Variants in MCF2L2 observed in about 807,000 individuals in gnomAD.
MCF2L2 encodes the protein probable guanine nucleotide exchange factor MCF2L2.
Under a neutral mutation model 150.2 loss-of-function variants are expected in MCF2L2, and 102 were observed. The observed-to-expected ratio is 0.68, with a 90% CI of 0.58 to 0.80. The LOEUF is 0.80. Ranked by LOEUF, MCF2L2 falls within the 30% of genes least tolerant of loss-of-function variation. MCF2L2 has a pLI of 0.00. For missense variants in MCF2L2, 1,256 were observed against 1,372.8 expected, an observed-to-expected ratio of 0.91 and a Z score of 1.34; for synonymous variants, 465 against 491.3, an observed-to-expected ratio of 0.95 and a Z score of 0.71.
chr3:183,273,088 T>G (rs950526145), intron 15 of MCF2L2: 59 of 1,400,206 alleles, frequency 4.2e-5, no homozygotes, highest in Non-Finnish European at 5.6e-5. Context: ...GGTTCCAACC[T>G]TTTAAAAAAG....
chr3:183,396,977 C>T (rs1251798229), intron 1 of MCF2L2, among the ~76,000 whole-genome samples: 2 of 152,174 alleles, frequency 1.3e-5, no homozygotes, highest in African/African-American at 4.8e-5. Context: ...CCTACCAGCA[C>T]CTTGATGGTG....
Position 183,197,620 on chromosome 3 carries a change from T to A in MCF2L2, c.2885-2365A>T, listed in dbSNP as rs898360037. Among the ~76,000 whole-genome samples the A allele has an allele frequency of 6.6e-6, 1 of 152,190 alleles. No individual in the cohort carries two copies. Among genetic ancestry groups the A allele is most frequent in the African/African-American group, 2.4e-5 (1 of 41,468 alleles). On this transcript the variant is annotated intron_variant, in intron 25 of 29. Transcript: ENST00000328913. The surrounding 1 kb of genome is among the most constrained non-coding windows in gnomAD (Gnocchi z 4.5). ...ATACAGTTTTTAAAATTAAATATTA[T>A]AAGAATTAAAGTCTTTTGCTCTTCA...
intron 1 of MCF2L2, 116 bp downstream of exon 1, chr3:183,427,786 C>G: frequency 3.4e-6 from 3 of 874,850 alleles, no homozygotes; most frequent in Non-Finnish European, 5.6e-6. Flanking sequence ...TGCCGGGCAA[C>G]CCCCCAGGAA....
intron 3 of MCF2L2, among the ~76,000 whole-genome samples, chr3:183,371,061 C>T (rs1712845184): frequency 6.6e-6 from 1 of 152,188 alleles, no homozygotes; most frequent in Non-Finnish European, 1.5e-5. Flanking sequence ...GTCACAGTTC[C>T]ACAGCCAGTC....
At chr3:183,361,045 A>G (rs1157508306) in intron 3 of MCF2L2, among the ~76,000 whole-genome samples, 1 of 115,692 alleles carries the variant, frequency 8.6e-6, no homozygotes, top group East Asian at 2.7e-4. Context: ...GGAAGAAAGG[A>G]AAGGAAAGGA....
chr3:183,408,341 T>C (rs995533898), intron 1 of MCF2L2, among the ~76,000 whole-genome samples: 1 of 152,214 alleles, frequency 6.6e-6, no homozygotes, highest in Non-Finnish European at 1.5e-5. Flanking sequence ...TACTGTCTTA[T>C]GTTTGCTTAA....
In MCF2L2 at chr3:183,231,020, G is replaced by A. The variant is rs374846936; in HGVS notation, c.1863-3C>T. On this transcript the variant is annotated splice_region_variant and splice_polypyrimidine_tract_variant and intron_variant, in intron 15 of 29. Transcript: ENST00000328913. ...CAAGCAAGTCACGTATAATGCGCCT[G>A]AATCACAGCAGCAGGTGGGAGGGTG... is the stretch of plus-strand genomic sequence containing the variant. 28 of 1,611,452 alleles carry A rather than the reference G, an allele frequency of 1.7e-5. No homozygotes were observed. The African/African-American group carries it at 3.2e-4, about 18-fold the overall frequency.
At chr3:183,375,775 G>A (rs1713157960) in intron 3 of MCF2L2, 1 of 152,124 alleles carries the variant, frequency 6.6e-6, no homozygotes, top group African/African-American at 2.4e-5. Context: ...CGAGCCCTCT[G>A]CCACCTGTCT....
chr3:183,231,359 A>G, intron 15 of MCF2L2: 1 of 465,276 alleles, frequency 2.1e-6, no homozygotes, highest in Admixed American at 2.5e-5. Context: ...ATCCTTAGTC[A>G]AGGAAGGTCT....
chr3:183,227,956 G>C lies in MCF2L2; in HGVS notation c.2115+341C>G, dbSNP rs575673054. Reference sequence around the variant, plus strand: ...GACCAACATCTCCCTACTTCCTCTAGACTCCAGCCCCTGGCAACCACCCTT... The same window carrying C: ...GACCAACATCTCCCTACTTCCTCTACACTCCAGCCCCTGGCAACCACCCTT... On this transcript the variant is annotated intron_variant, in intron 18 of 29. Coordinates refer to ENST00000328913, the MANE Select transcript of MCF2L2 (RefSeq NM_015078.4). The surrounding 1 kb of genome is among the most constrained non-coding windows in gnomAD (Gnocchi z 4.0). 5.2e-6 allele frequency: 1 copy of C among 194,108 alleles called. No homozygotes were observed. The highest frequency in any genetic ancestry group is 1.3e-4 in the East Asian group (1 of 7,974). 12.0% of individuals were successfully genotyped at this position (194,108 alleles called of 1,614,324 possible). A position where few individuals can be genotyped will look rare whatever the true frequency, so the allele number is the denominator to read the frequency against.
chr3:183,320,423 C>T (rs1278390284), intron 6 of MCF2L2, among the ~76,000 whole-genome samples: 1 of 152,104 alleles, frequency 6.6e-6, no homozygotes, highest in Non-Finnish European at 1.5e-5. Context: ...ATGATCTTAG[C>T]TAGATCTTCT....
At chr3:183,280,794 G>A (rs1246342119) in intron 14 of MCF2L2, among the ~76,000 whole-genome samples, 17 of 149,812 alleles carry the variant, frequency 1.1e-4, no homozygotes, top group Admixed American at 1.1e-3. Flanking sequence ...GTTGCAATGA[G>A]CTGAGATCAC....
intron 10 of MCF2L2, among the ~76,000 whole-genome samples, chr3:183,303,886 T>C (rs1277330067): frequency 6.6e-6 from 1 of 152,190 alleles, no homozygotes; most frequent in Non-Finnish European, 1.5e-5. Flanking sequence ...AATTTCATTA[T>C]CTAGCTCATA....
rs147425246 is a variant in MCF2L2, at chr3:183,420,342, C to T, written c.76+7560G>A. On this transcript the variant is annotated intron_variant, in intron 1 of 29. Coordinates refer to ENST00000328913, the MANE Select transcript of MCF2L2 (RefSeq NM_015078.4). Reference sequence around the variant, plus strand: ...CCTGGCCAGGTGCGGTGGCTCATGCCTGTAATCCCAGCACTTTGGGAGGCC... The same window carrying T: ...CCTGGCCAGGTGCGGTGGCTCATGCTTGTAATCCCAGCACTTTGGGAGGCC... Among the ~76,000 whole-genome samples, 8 of 152,326 alleles carry T rather than the reference C, an allele frequency of 5.3e-5. No homozygotes were observed. The East Asian group carries it at 1.5e-3, about 29-fold the overall frequency.
At chr3:183,361,025 G>A (rs866994594) in intron 3 of MCF2L2, among the ~76,000 whole-genome samples, 3 of 115,816 alleles carry the variant, frequency 2.6e-5, no homozygotes, top group Non-Finnish European at 5.4e-5. Context: ...AAAGAAAAGA[G>A]AAAAGAAAAG....
At chr3:183,383,297 C>T (rs1018870977) in intron 2 of MCF2L2, among the ~76,000 whole-genome samples, 79 of 152,182 alleles carry the variant, frequency 5.2e-4, no homozygotes, top group African/African-American at 1.9e-3. Context: ...TGCAATGGCA[C>T]GATCTCGGCT....
chr3:183,343,132 T>C (rs1246141964), intron 3 of MCF2L2, among the ~76,000 whole-genome samples: 1 of 152,126 alleles, frequency 6.6e-6, no homozygotes, highest in Non-Finnish European at 1.5e-5. Flanking sequence ...TTAGGAAGAC[T>C]TTCACTCCTA....
chr3:183,400,413 T>G (rs1190316328), intron 1 of MCF2L2: 1 of 456,534 alleles, frequency 2.2e-6, no homozygotes, highest in African/African-American at 2.0e-5. Context: ...GGCCCTCATC[T>G]CTGCCTCTGT....
At chr3:183,199,446 G>T (rs1722182365) in intron 25 of MCF2L2, among the ~76,000 whole-genome samples, 1 of 152,052 alleles carries the variant, frequency 6.6e-6, no homozygotes, top group Non-Finnish European at 1.5e-5. Flanking sequence ...CAAAGTGAAA[G>T]GATAAAGCCT....
Sources: allele counts gnomAD v4.1 joint callset (sites outside exome capture counted in the v4.1 genomes callset), GRCh38; gene constraint gnomAD v4.1.1; non-coding constraint Gnocchi (gnomAD v3.1); transcripts MANE v1.5; gene names NCBI Gene and HGNC (gene_info 2026-07-23, HGNC 2026-07-21).